The following RNGTT variants were observed in gnomAD, a reference collection of about 807,000 sequenced individuals.
The protein encoded by RNGTT is mRNA-capping enzyme.
RNGTT carries 33 observed loss-of-function variants against 79.3 expected under a neutral mutation model. The ratio of observed to expected loss-of-function variants is 0.42; its 90% CI spans 0.32 to 0.56. The LOEUF is 0.56. Ranked by LOEUF, RNGTT falls within the 20% of genes least tolerant of loss-of-function variation. RNGTT has a pLI of 0.17. For missense variants in RNGTT, 497 were observed against 739.1 expected (o/e 0.67, Z 3.80); for synonymous variants, 222 against 235.9 (o/e 0.94, Z 0.54).
intron 8 of RNGTT, among the ~76,000 whole-genome samples, chr6:88,868,352 A>C (rs1582561895): frequency 6.6e-6 from 1 of 151,896 alleles, no homozygotes; most frequent in South Asian, 2.1e-4. Context: ...AATCATTAAA[A>C]CTCTGACATG....
At chr6:88,835,946 C>A (rs1398866064) in intron 11 of RNGTT, among the ~76,000 whole-genome samples, 3 of 140,454 alleles carry the variant, frequency 2.1e-5, no homozygotes, top group Non-Finnish European at 4.6e-5. Flanking sequence ...CCAGCCTGGG[C>A]AATACAGCAA....
In RNGTT at chr6:88,612,822, C is replaced by A. The variant is rs1772081688; in HGVS notation, c.1691G>T (p.Arg564Ile). The A allele has an allele frequency of 6.2e-7, 1 of 1,613,674 alleles. No individual in the cohort carries two copies. Among genetic ancestry groups the A allele is most frequent in the South Asian group, 1.1e-5 (1 of 91,068 alleles). ...TKEMLFEFID[R>I]CTAASQGQKR... ...CTGTCCTTGAGAAGCTGCAGTACAT[C>A]TGTCGATGAACTCAAACAGCATCTC... Residue 564 changes from arginine (R) to isoleucine (I), a missense_variant, in exon 16 of 16, where the codon AGA (arginine) becomes ATA (isoleucine). Arg to Ile is a moderately conservative substitution (Grantham distance 97, BLOSUM62 -3). This residue lies in a region of RNGTT where 53 missense variants were observed against 50.5 expected (regional missense o/e 1.05). Transcript: ENST00000369485.
At chr6:88,796,156 TTGAAA>T (rs1214298501) in intron 12 of RNGTT, among the ~76,000 whole-genome samples, 13 of 152,320 alleles carry the variant, frequency 8.5e-5, no homozygotes, top group African/African-American at 2.9e-4. Flanking sequence ...TGAGTAAATG[TTGAAA>T]TGATAATACT....
intron 8 of RNGTT, among the ~76,000 whole-genome samples, chr6:88,870,982 C>A (rs1782334014): frequency 6.6e-6 from 1 of 152,058 alleles, no homozygotes. Context: ...CAGATCTATT[C>A]AATAAATCAT....
intron 14 of RNGTT, among the ~76,000 whole-genome samples, chr6:88,632,727 AT>A (rs1772948862): frequency 6.6e-6 from 1 of 152,098 alleles, no homozygotes; most frequent in Non-Finnish European, 1.5e-5. Context: ...GGGGAAAAAA[AT>A]CTCACAGAAT....
chr6:88,644,904 T>A (rs1773480309), intron 14 of RNGTT, among the ~76,000 whole-genome samples: 2 of 152,192 alleles, frequency 1.3e-5, no homozygotes, highest in Non-Finnish European at 1.5e-5. Flanking sequence ...TCATACTGAA[T>A]GGGCAAAAAC....
intron 1 of RNGTT, among the ~76,000 whole-genome samples, chr6:88,960,179 A>G (rs985832043): frequency 5.9e-5 from 9 of 152,240 alleles, no homozygotes; most frequent in African/African-American, 2.2e-4. Flanking sequence ...TACTCCCATG[A>G]GACTCTGCTT....
At chr6:88,680,568 C>A (rs181104638) in intron 13 of RNGTT, among the ~76,000 whole-genome samples, 2 of 151,646 alleles carry the variant, frequency 1.3e-5, no homozygotes, top group East Asian at 3.9e-4. Context: ...ATGGAGAAAC[C>A]CCGTCTCTAC....
rs552210090 is a variant in RNGTT at position 88,955,761 on chromosome 6, G to T, written c.64+7585C>A. Among the ~76,000 whole-genome samples the T allele has an allele frequency of 1.4e-4, 21 of 152,080 alleles. No homozygotes were observed. In the South Asian group the frequency reaches 4.4e-3, roughly 32 times the overall value. On this transcript the variant is annotated intron_variant, in intron 1 of 15. Coordinates refer to ENST00000369485, the MANE Select transcript of RNGTT (RefSeq NM_003800.5). ...AAAGATTAACAAAACACTGGTTCTG[G>T]ATGTGGTGCAGTGGCTCACGTCTGT...
chr6:88,675,239 A>G (rs1774823000), intron 14 of RNGTT, among the ~76,000 whole-genome samples: 1 of 152,226 alleles, frequency 6.6e-6, no homozygotes, highest in Non-Finnish European at 1.5e-5. Context: ...AACAAAGCTT[A>G]ATGGAATCAA....
intron 14 of RNGTT, among the ~76,000 whole-genome samples, chr6:88,650,746 A>G (rs1773765696): frequency 6.6e-6 from 1 of 152,322 alleles, no homozygotes; most frequent in East Asian, 1.9e-4. Flanking sequence ...AGACTATTTC[A>G]AATTAATAAC....
intron 13 of RNGTT, among the ~76,000 whole-genome samples, chr6:88,753,872 A>G (rs1278137144): frequency 1.3e-5 from 2 of 152,118 alleles, no homozygotes; most frequent in Non-Finnish European, 2.9e-5. Flanking sequence ...AGATTCAGAT[A>G]TTTAGAAAGT....
intron 8 of RNGTT, among the ~76,000 whole-genome samples, chr6:88,855,853 T>A (rs1273616559): frequency 6.6e-6 from 1 of 152,214 alleles, no homozygotes; most frequent in Non-Finnish European, 1.5e-5. Flanking sequence ...AGAGAGAATC[T>A]AAGCTACTTG....
At chr6:88,756,241 G>A (rs771515563) in intron 13 of RNGTT, among the ~76,000 whole-genome samples, 15 of 151,920 alleles carry the variant, frequency 9.9e-5, no homozygotes, top group South Asian at 6.2e-4. Context: ...TTAGGAGGCC[G>A]AGGCAGGGGG....
At chr6:88,804,521 A>G (rs1779894680) in intron 11 of RNGTT, among the ~76,000 whole-genome samples, 1 of 152,218 alleles carries the variant, frequency 6.6e-6, no homozygotes, top group South Asian at 2.1e-4. Flanking sequence ...ATTATAGAAT[A>G]TACTATATGA....
At chr6:88,826,856 A>ATATATATATATATATGTGTGTGTG (rs1562272620) in intron 11 of RNGTT, among the ~76,000 whole-genome samples, 3 of 138,562 alleles carry the variant, frequency 2.2e-5, no homozygotes, top group African/African-American at 8.8e-5. Context: ...GTGTGTGTGT[A>ATATATATATATATATGTGTGTGTG]TATATATATA....
intron 14 of RNGTT, among the ~76,000 whole-genome samples, chr6:88,652,288 C>CA (rs1773826263): frequency 6.6e-6 from 1 of 152,160 alleles, no homozygotes; most frequent in African/African-American, 2.4e-5. Flanking sequence ...CTCCAAATCT[C>CA]ATACTTCATT....
chr6:88,638,491 G>A (rs1204818824), intron 14 of RNGTT, among the ~76,000 whole-genome samples: 1 of 152,022 alleles, frequency 6.6e-6, no homozygotes, highest in Non-Finnish European at 1.5e-5. Flanking sequence ...AGCTTTTATG[G>A]ATGATCTATT....
intron 14 of RNGTT, among the ~76,000 whole-genome samples, chr6:88,635,119 G>C (rs1773052563): frequency 6.6e-6 from 1 of 151,980 alleles, no homozygotes; most frequent in Non-Finnish European, 1.5e-5. Context: ...AAAATGCCTA[G>C]ATAAAATAAC....
Sources: allele counts gnomAD v4.1 joint callset (sites outside exome capture counted in the v4.1 genomes callset), GRCh38; gene constraint gnomAD v4.1.1; regional missense constraint gnomAD v4.1.1; transcripts MANE v1.5; gene names NCBI Gene and HGNC (gene_info 2026-07-23, HGNC 2026-07-21).